Variants in LRPPRC observed in about 807,000 individuals in gnomAD.
LRPPRC encodes leucine-rich PPR motif-containing protein, mitochondrial.
A neutral mutation model predicts 180.3 loss-of-function variants in LRPPRC; 120 were observed. That is an observed-to-expected ratio of 0.67 (90% CI 0.57 to 0.77). The LOEUF (loss-of-function observed/expected upper bound fraction) is 0.77. LRPPRC is among the 30% of genes least tolerant of loss of function. The pLI, the probability that LRPPRC is intolerant of heterozygous loss-of-function variation, is 0.00. For synonymous variants in LRPPRC, 723 were observed against 600.0 expected (o/e 1.21, Z -3.00); for missense variants, 2,012 against 1,657.2 (o/e 1.21, Z -3.72).
intron 35 of LRPPRC, 58 bp from the exon 36 acceptor site, chr2:43,894,687 C>G: frequency 2.4e-6 from 2 of 843,462 alleles, no homozygotes; most frequent in Admixed American, 3.4e-5. Flanking sequence ...TGAATTAGAA[C>G]ACTGACAAAT....
At chr2:43,990,342 A>G (rs1172259976) in intron 1 of LRPPRC, among the ~76,000 whole-genome samples, 9 of 152,210 alleles carry the variant, frequency 5.9e-5, no homozygotes, top group Non-Finnish European at 4.4e-5. Flanking sequence ...CTCTCAAGAA[A>G]CGGATCTTTT....
rs1670885421 is a variant in LRPPRC, at chr2:43,901,507, T to C, written c.3382A>G (p.Lys1128Glu). ...DYLKEAVTTL[K>E]TVLDQQQTPS... ...GTCTGCTGCTGATCCAATACTGTTT[T>C]CAGTGTTGTCACAGCCTCTAAAATA... The change falls in exon 32 of 38, where the codon AAA becomes GAA. Residue 1128 changes from lysine (K) to glutamate (E), a missense_variant. Coordinates refer to ENST00000260665, the MANE Select transcript of LRPPRC (RefSeq NM_133259.4). 1 of 1,612,310 alleles carries C rather than the reference T, an allele frequency of 6.2e-7. No individual in the cohort carries two copies. The highest frequency in any genetic ancestry group is 1.3e-5 in the African/African-American group (1 of 74,924).
intron 1 of LRPPRC, among the ~76,000 whole-genome samples, chr2:43,986,714 G>A (rs1674541848): frequency 7.6e-6 from 1 of 131,306 alleles, no homozygotes; most frequent in Non-Finnish European, 1.6e-5. Context: ...TTCTGAGACG[G>A]TCTCATTCTG....
intron 27 of LRPPRC, among the ~76,000 whole-genome samples, chr2:43,919,754 G>A (rs796171070): frequency 6.6e-5 from 10 of 152,104 alleles, no homozygotes; most frequent in African/African-American, 2.4e-4. Flanking sequence ...ATGACACTAA[G>A]TGTAATACAA....
At chr2:43,990,218 C>CA (rs370997620) in intron 1 of LRPPRC, among the ~76,000 whole-genome samples, 84 of 147,658 alleles carry the variant, frequency 5.7e-4, no homozygotes, top group African/African-American at 1.6e-3. Flanking sequence ...GACTCCATCT[C>CA]AAAAAAAAAA....
intron 26 of LRPPRC, 49 bp downstream of exon 26, chr2:43,925,844 C>T: frequency 8.1e-7 from 1 of 1,241,556 alleles, no homozygotes; most frequent in Non-Finnish European, 1.2e-6. Context: ...GGACCCTTGC[C>T]TTCTACTCAC....
Position 43,963,581 on chromosome 2 carries a change from T to G in LRPPRC, c.1488+7A>C, listed in dbSNP as rs1414890980. ...AATTATTAAATTAAAACCACACTTG[T>G]ACTCACCTGCAAAATGGCTCGTGCT... On this transcript the variant is annotated splice_region_variant and intron_variant, in intron 12 of 37. Transcript: ENST00000260665. 1 of 1,480,392 alleles carries G rather than the reference T, an allele frequency of 6.8e-7. No individual in the cohort carries two copies. The highest frequency in any genetic ancestry group is 9.4e-7 in the Non-Finnish European group (1 of 1,058,388). 91.7% of individuals were successfully genotyped at this position (1,480,392 alleles called of 1,614,324 possible).
intron 25 of LRPPRC, among the ~76,000 whole-genome samples, chr2:43,933,601 A>G (rs1672166528): frequency 6.6e-6 from 1 of 152,186 alleles, no homozygotes; most frequent in Non-Finnish European, 1.5e-5. Context: ...TGACTTATCA[A>G]TTCCACTAAG....
Position 43,889,828 on chromosome 2 carries a change from G to A in LRPPRC, c.4034C>T (p.Thr1345Ile). 6.2e-7 allele frequency: 1 copy of A among 1,609,568 alleles called. No individual in the cohort carries two copies. The highest frequency in any genetic ancestry group is 8.5e-7 in the Non-Finnish European group (1 of 1,175,800). The change falls in exon 37 of 38, where the codon ACT (threonine) becomes ATT (isoleucine). Residue 1345 changes from threonine (T) to isoleucine (I), a missense_variant. Transcript: ENST00000260665. ...ATCATCCAATTTTGTATTCTTTGCA[G>A]TCAAATGTTCATACAGTGCTTTAGC... ...TSAKALYEHL[T>I]AKNTKLDDLF...
At chr2:43,979,751 G>T in intron 3 of LRPPRC, 75 bp downstream of exon 3, 1 of 1,332,588 alleles carries the variant, frequency 7.5e-7, no homozygotes, top group Non-Finnish European at 1.1e-6. Flanking sequence ...CAGCATTTAT[G>T]TAAACAAACA....
At chr2:43,993,999 G>GAAC (rs998457208) in intron 1 of LRPPRC, among the ~76,000 whole-genome samples, 34 of 152,090 alleles carry the variant, frequency 2.2e-4, no homozygotes, top group African/African-American at 8.2e-4. Flanking sequence ...CAGGTCTGAT[G>GAAC]AACACCGAGA....
intron 25 of LRPPRC, among the ~76,000 whole-genome samples, chr2:43,929,112 A>G (rs997327588): frequency 1.3e-5 from 2 of 152,222 alleles, no homozygotes; most frequent in Admixed American, 6.5e-5. Context: ...TTTTTACAAG[A>G]TGAATTTCTA....
At chr2:43,996,123 C>A, upstream of LRPPRC, 1 of 563,022 alleles carries the variant, frequency 1.8e-6, no homozygotes, top group Non-Finnish European at 3.1e-6. Flanking sequence ...GGACAGAAGA[C>A]CCAATGTAAT....
At chr2:43,911,520 C>CTTTTTTTTTTT (rs755010502) in intron 30 of LRPPRC, among the ~76,000 whole-genome samples, 7 of 113,486 alleles carry the variant, frequency 6.2e-5, no homozygotes, top group Admixed American at 1.9e-4. Flanking sequence ...TCTTCTTCTT[C>CTTTTTTTTTTT]TTCTTTTTTT....
chr2:43,925,591 G>A (rs551332847), intron 26 of LRPPRC, among the ~76,000 whole-genome samples: 7 of 152,162 alleles, frequency 4.6e-5, no homozygotes, highest in Admixed American at 2.0e-4. Context: ...CCAGAGCTCT[G>A]GGAAGCAACT....
chr2:43,976,185 T>C lies in LRPPRC; in HGVS notation c.695A>G (p.Glu232Gly), dbSNP rs765911841. 1.2e-5 allele frequency: 20 copies of C among 1,612,734 alleles called. No homozygotes were observed. The Admixed American group carries it at 3.2e-4, about 26-fold the overall frequency. ...FMKTKDLPVT[E>G]AVFSALVTGH... ...TGTCACAAGGGCACTGAATACTGCC[T>C]CTGTAACTGGGAGATCCTTAGTTTT... Residue 232 changes from glutamate to glycine, a missense_variant, in exon 6 of 38, where the codon GAG (glutamate) becomes GGG (glycine). Coordinates refer to ENST00000260665, the MANE Select transcript of LRPPRC (RefSeq NM_133259.4).
intron 23 of LRPPRC, among the ~76,000 whole-genome samples, chr2:43,943,235 T>C (rs4600713): frequency 0.21 from 31,760 of 151,942 alleles, 4,152 homozygotes; most frequent in African/African-American, 0.36. Context: ...GTAAAATTCA[T>C]CTCCTACAAC....
chr2:43,889,842 C>T lies in LRPPRC; in HGVS notation c.4020G>A (p.Leu1340=), dbSNP rs1406235569. ...SEKDVTSAKA[L]YEHLTAKNTK... ...TATTCTTTGCAGTCAAATGTTCATACAGTGCTTTAGCAGATGTGACATCTT... is the reference window on the plus strand; with the variant it reads ...TATTCTTTGCAGTCAAATGTTCATATAGTGCTTTAGCAGATGTGACATCTT... The change falls in exon 37 of 38, where the codon CTG becomes CTA. Residue 1340 remains leucine, a synonymous_variant. Coordinates refer to ENST00000260665, the MANE Select transcript of LRPPRC (RefSeq NM_133259.4). 2.5e-6 allele frequency: 4 copies of T among 1,609,534 alleles called. No individual in the cohort carries two copies. The highest frequency in any genetic ancestry group is 1.7e-5 in the Admixed American group (1 of 59,994).
Position 43,995,887 on chromosome 2 carries a change from G to T in LRPPRC, c.61C>A (p.Pro21Thr). Residue 21 changes from proline to threonine, a missense_variant, in exon 1 of 38, where the codon CCG (proline) becomes ACG (threonine). Pro to Thr is a conservative substitution (Grantham distance 38). Coordinates refer to ENST00000260665, the MANE Select transcript of LRPPRC (RefSeq NM_133259.4). ...CCAGGGAGGAGGCGCAGGGAGAGCGGGAGGCGCGGGGCCGCCCCGGCACGC... is the reference window on the plus strand; with the variant it reads ...CCAGGGAGGAGGCGCAGGGAGAGCGTGAGGCGCGGGGCCGCCCCGGCACGC... Reference protein sequence around the residue: ...LLRAGAAPRLPLSLRLLPGGP... With the variant: ...LLRAGAAPRLTLSLRLLPGGP... The T allele has an allele frequency of 1.3e-6, 2 of 1,508,360 alleles. No individual in the cohort carries two copies. Among genetic ancestry groups the T allele is most frequent in the Non-Finnish European group, 1.8e-6 (2 of 1,136,262 alleles). 93.4% of individuals were successfully genotyped at this position (1,508,360 alleles called of 1,614,324 possible). A position where few individuals can be genotyped will look rare whatever the true frequency, so the allele number is the denominator to read the frequency against.
Sources: allele counts gnomAD v4.1 joint callset (sites outside exome capture counted in the v4.1 genomes callset), GRCh38; gene constraint gnomAD v4.1.1; transcripts MANE v1.5; gene names NCBI Gene and HGNC (gene_info 2026-07-23, HGNC 2026-07-21).